Variants in PHF8 observed in about 807,000 individuals in gnomAD.
PHF8 encodes PHD finger protein 8, also known as histone lysine demethylase PHF8.
PHF8 carries 9 observed loss-of-function variants against 74.4 expected under a neutral mutation model. The ratio of observed to expected loss-of-function variants is 0.12; its 90% CI spans 0.07 to 0.21. PHF8 has a LOEUF of 0.21. Ranked by LOEUF, PHF8 falls within the 10% of genes least tolerant of loss-of-function variation. The probability of loss-of-function intolerance (pLI) is 1.00; values close to 1 mark genes in which losing one functional copy is unlikely to be tolerated. For missense variants in PHF8, 478 were observed against 816.6 expected, an observed-to-expected ratio of 0.59 and a Z score of 5.05; for synonymous variants, 311 against 316.6, an observed-to-expected ratio of 0.98 and a Z score of 0.19.
chrX:53,947,232 G>C (rs1278180127), intron 19 of PHF8, among the ~76,000 whole-genome samples: 2 of 111,160 alleles, frequency 1.8e-5, no homozygotes, highest in Admixed American at 1.9e-4. Flanking sequence ...GGATGGTCTT[G>C]AACTCCTAAC....
chrX:54,025,010 G>A (rs1391668990), intron 2 of PHF8, among the ~76,000 whole-genome samples: 1 of 109,943 alleles, frequency 9.1e-6, no homozygotes, highest in African/African-American at 3.3e-5. Flanking sequence ...CCGAGTAGCT[G>A]GGACTACAGG....
intron 20 of PHF8, chrX:53,943,220 C>T: frequency 1.1e-6 from 1 of 947,852 alleles, no homozygotes; most frequent in East Asian, 3.6e-5. Flanking sequence ...AAGTTCTGGT[C>T]AAAGAAGATT....
chrX:53,985,854 G>A lies in PHF8; in HGVS notation c.2091C>T (p.Ala697=). 1.3e-5 allele frequency: 16 copies of A among 1,210,900 alleles called. No homozygotes were observed. The highest frequency in any genetic ancestry group is 1.8e-5 in the Non-Finnish European group (16 of 894,869). The change falls in exon 17 of 22, where the codon GCC becomes GCT. Residue 697 remains alanine (A), a synonymous_variant. Transcript: ENST00000338154. ...GAGGILDLLK[A]SRQVGGPDYA... Reference sequence around the variant, plus strand: ...AGTCAGGTCCCCCCACCTGCCTGCTGGCCTTGAGCAGATCAAGAATGCCAC... The same window carrying A: ...AGTCAGGTCCCCCCACCTGCCTGCTAGCCTTGAGCAGATCAAGAATGCCAC...
At chrX:53,942,967 A>G (rs1557084008) in intron 20 of PHF8, 1 of 755,849 alleles carries the variant, frequency 1.3e-6, no homozygotes, top group African/African-American at 2.3e-5. Context: ...TGCTATACGA[A>G]GGAAGTCCCT....
chrX:53,950,097 C>T (rs1239306455), intron 19 of PHF8, among the ~76,000 whole-genome samples: 4 of 111,387 alleles, frequency 3.6e-5, no homozygotes, highest in African/African-American at 1.3e-4. Context: ...TCAAGAAAAA[C>T]AGCTGAATCT....
chrX:53,997,751 C>T (rs1425333823), intron 11 of PHF8, among the ~76,000 whole-genome samples: 2 of 111,861 alleles, frequency 1.8e-5, no homozygotes, highest in East Asian at 5.6e-4. Flanking sequence ...GTTTTTGGGA[C>T]ACAGTCACTC....
chrX:54,013,138 T>A (rs2066008173), intron 7 of PHF8, among the ~76,000 whole-genome samples: 1 of 109,930 alleles, frequency 9.1e-6, no homozygotes, highest in East Asian at 2.8e-4. Context: ...ATAATAATAA[T>A]AAAAAAGAAA....
chrX:54,009,892 G>A (rs2065956900), intron 8 of PHF8, among the ~76,000 whole-genome samples: 1 of 79,709 alleles, frequency 1.3e-5, no homozygotes, highest in Non-Finnish European at 2.4e-5. Flanking sequence ...GTGGCTCTTT[G>A]GAAAGATCAA....
At chrX:53,966,486 G>C (rs2065189652) in intron 18 of PHF8, among the ~76,000 whole-genome samples, 1 of 112,770 alleles carries the variant, frequency 8.9e-6, no homozygotes, top group South Asian at 3.6e-4. Context: ...CGCCAGCCTC[G>C]GCCTCCGGAG....
In PHF8 at chrX:54,043,847, G is replaced by C. The variant is rs1194793652; in HGVS notation, c.-178C>G. ...CGTCTTCAGTCCAGAATCCTACAGGGACCTCCTCATGCTTTGGGCTGCAAG... is the reference window on the plus strand; with the variant it reads ...CGTCTTCAGTCCAGAATCCTACAGGCACCTCCTCATGCTTTGGGCTGCAAG... On this transcript the variant is annotated 5_prime_UTR_variant, in exon 1 of 22. Transcript: ENST00000338154. The C allele has an allele frequency of 1.3e-6, 1 of 753,519 alleles. No homozygotes were observed. The highest frequency in any genetic ancestry group is 1.6e-6 in the Non-Finnish European group (1 of 638,335). The allele number at this position is 753,519 out of a possible 1,213,427, so 62.1% of individuals were successfully genotyped here.
chrX:54,041,023 G>A (rs1409433360), intron 2 of PHF8, among the ~76,000 whole-genome samples: 1 of 112,003 alleles, frequency 8.9e-6, no homozygotes, highest in Non-Finnish European at 1.9e-5. Flanking sequence ...CAAGGGGGCA[G>A]TCCCTGCTGA....
chrX:54,047,960 C>T (rs1003572073), upstream of PHF8, among the ~76,000 whole-genome samples: 14 of 111,076 alleles, frequency 1.3e-4, no homozygotes, highest in African/African-American at 2.6e-4. Context: ...GAGGCCGAGG[C>T]GGGTGGATCA....
At chrX:54,001,196 C>T (rs1324787695) in intron 10 of PHF8, among the ~76,000 whole-genome samples, 2 of 111,304 alleles carry the variant, frequency 1.8e-5, no homozygotes, top group Middle Eastern at 4.6e-3. Flanking sequence ...CACAGTGGCG[C>T]GTGCCTATAG....
intron 19 of PHF8, among the ~76,000 whole-genome samples, chrX:53,960,710 C>T (rs1557090527): frequency 9.2e-6 from 1 of 108,746 alleles, no homozygotes; most frequent in African/African-American, 3.4e-5. Context: ...GATCCCGCCA[C>T]TGCACTCTAG....
chrX:53,982,660 T>G, intron 18 of PHF8, among the ~76,000 whole-genome samples: 1 of 111,938 alleles, frequency 8.9e-6, no homozygotes, highest in Non-Finnish European at 1.9e-5. Flanking sequence ...TATATGGGAA[T>G]TTCGTTTATG....
At chrX:54,024,501 C>T (rs1454582405) in intron 2 of PHF8, among the ~76,000 whole-genome samples, 1 of 112,054 alleles carries the variant, frequency 8.9e-6, no homozygotes, top group Non-Finnish European at 1.9e-5. Context: ...CCCTATGTGG[C>T]TATGTGCTTT....
At chrX:54,013,151 T>G (rs1249496782) in intron 7 of PHF8, among the ~76,000 whole-genome samples, 1 of 110,784 alleles carries the variant, frequency 9.0e-6, no homozygotes, top group Non-Finnish European at 1.9e-5. Context: ...AAAAGAAAAC[T>G]AAATAATCTG....
intron 19 of PHF8, among the ~76,000 whole-genome samples, chrX:53,953,308 C>A (rs375224770): frequency 3.2e-4 from 26 of 81,792 alleles, no homozygotes; most frequent in African/African-American, 7.9e-4. Flanking sequence ...CAAAAAAAAA[C>A]CCCTCACATA....
rs1395809438 is a variant in PHF8, at chrX:54,044,353, A to C, written c.-684T>G. 1 of 750,812 alleles carries C rather than the reference A, an allele frequency of 1.3e-6. No individual in the cohort carries two copies. The highest frequency in any genetic ancestry group is 1.6e-6 in the Non-Finnish European group (1 of 636,202). The allele number at this position is 750,812 out of a possible 1,213,427, so 61.9% of individuals were successfully genotyped here. A position where few individuals can be genotyped will look rare whatever the true frequency, so the allele number is the denominator to read the frequency against. ...TAGTCAATAAAGTTTATTCAAAACA[A>C]TGAGGAAGTTGAGGCGGAGAGGGGA... is the stretch of plus-strand genomic sequence containing the variant. On this transcript the variant is annotated 5_prime_UTR_variant, in exon 1 of 22. Coordinates refer to ENST00000338154, the MANE Select transcript of PHF8 (RefSeq NM_015107.3).
Sources: gnomAD v4.1 joint callset for allele counts (sites outside exome capture counted in the v4.1 genomes callset) on GRCh38, gnomAD v4.1.1 for gene constraint, MANE v1.5 for transcripts, NCBI Gene and HGNC (gene_info 2026-07-23, HGNC 2026-07-21) for gene names.